The following PTK2 variants were observed in gnomAD, a reference collection of about 807,000 sequenced individuals.
PTK2 encodes protein tyrosine kinase 2.
A neutral mutation model predicts 150.1 loss-of-function variants in PTK2; 45 were observed. The observed-to-expected ratio is 0.30, with a 90% CI of 0.24 to 0.38. The LOEUF is 0.38. Among genes scored for constraint, PTK2 ranks in the 10% least tolerant of loss-of-function variants. The pLI, the probability that PTK2 is intolerant of heterozygous loss-of-function variation, is 1.00. For missense variants in PTK2, 919 were observed against 1,307.3 expected (o/e 0.70, Z 4.58); for synonymous variants, 432 against 449.2 (o/e 0.96, Z 0.48).
chr8:140,661,991 CCTCTT>C lies in PTK2; in HGVS notation c.2947-2318_2947-2314del, dbSNP rs370475091. Among the ~76,000 whole-genome samples, 658 of 152,154 alleles carry C rather than the reference CCTCTT, an allele frequency of 4.3e-3. 11 individuals are homozygous for C. Among genetic ancestry groups the C allele is most frequent in the African/African-American group, 0.014 (594 of 41,536 alleles). ...GCAGATGCAGGATCAAAGACAGGCT[CCTCTT>C]CTTTTCAAAAATGATTTAAGGCCAG... On this transcript the variant is annotated intron_variant, in intron 31 of 31. Transcript: ENST00000522684.
intron 1 of PTK2, among the ~76,000 whole-genome samples, chr8:140,966,357 C>T (rs377641510): frequency 6.6e-6 from 1 of 152,146 alleles, no homozygotes; most frequent in Non-Finnish European, 1.5e-5. Flanking sequence ...ATGTTTTATT[C>T]TATGTAGTTA....
At chr8:140,793,154 G>C (rs1238149911) in intron 13 of PTK2, among the ~76,000 whole-genome samples, 200 bp downstream of exon 13, 2 of 152,014 alleles carry the variant, frequency 1.3e-5, no homozygotes, top group Non-Finnish European at 2.9e-5. Flanking sequence ...AGAACTTAAA[G>C]GAAAAATTAA....
chr8:140,910,265 G>A (rs2100162592), intron 2 of PTK2, among the ~76,000 whole-genome samples: 2 of 152,142 alleles, frequency 1.3e-5, no homozygotes, highest in South Asian at 4.2e-4. Context: ...CAACACTCTA[G>A]CATCACCCAC....
At chr8:140,681,428 G>A (rs1259433277) in intron 27 of PTK2, among the ~76,000 whole-genome samples, 2 of 151,268 alleles carry the variant, frequency 1.3e-5, no homozygotes, top group African/African-American at 4.9e-5. Flanking sequence ...AAAAACAAGA[G>A]CCAACCAACC....
At chr8:140,752,004 A>G (rs988828068) in intron 17 of PTK2, 1 of 682,738 alleles carries the variant, frequency 1.5e-6, no homozygotes, top group Non-Finnish European at 2.7e-6. Flanking sequence ...ACCAAAGTAT[A>G]AAGTAAATGC....
chr8:140,731,920 C>A (rs939837932), intron 22 of PTK2, among the ~76,000 whole-genome samples: 1 of 152,000 alleles, frequency 6.6e-6, no homozygotes, highest in Non-Finnish European at 1.5e-5. Context: ...AAAATACACA[C>A]GCATACACTC....
At chr8:140,785,788 T>C (rs1348281966) in intron 14 of PTK2, among the ~76,000 whole-genome samples, 1 of 152,228 alleles carries the variant, frequency 6.6e-6, no homozygotes, top group Admixed American at 6.5e-5. Context: ...TGTTTACCTT[T>C]CTGAATTTAA....
intron 14 of PTK2, 148 bp from the exon 17 acceptor site, chr8:140,764,438 C>T (rs2100071169): frequency 1.6e-6 from 1 of 627,066 alleles, no homozygotes; most frequent in East Asian, 2.7e-5. Flanking sequence ...TTTGCTCACA[C>T]ATGAGTCATT....
intron 31 of PTK2, among the ~76,000 whole-genome samples, chr8:140,663,981 TA>T (rs544209116): frequency 2.0e-5 from 3 of 152,094 alleles, no homozygotes; most frequent in Non-Finnish European, 4.4e-5. Context: ...AGACATTCAT[TA>T]ATTTAAAATG....
intron 14 of PTK2, among the ~76,000 whole-genome samples, chr8:140,780,688 T>C (rs1455625398): frequency 1.3e-5 from 2 of 152,170 alleles, no homozygotes; most frequent in Non-Finnish European, 2.9e-5. Flanking sequence ...AAACCACATA[T>C]GAAAATGGGA....
chr8:140,807,324 C>A (rs182487929), intron 10 of PTK2, among the ~76,000 whole-genome samples: 2 of 152,148 alleles, frequency 1.3e-5, no homozygotes, highest in East Asian at 1.9e-4. Context: ...AGTTTCACTG[C>A]GAAAAAGAGA....
At chr8:140,686,262 G>T (rs564470631) in intron 27 of PTK2, among the ~76,000 whole-genome samples, 1 of 152,254 alleles carries the variant, frequency 6.6e-6, no homozygotes, top group East Asian at 1.9e-4. Flanking sequence ...GGAGGAGGGT[G>T]AGAGGAGGGT....
chr8:140,899,421 AT>A (rs1345854025), intron 2 of PTK2, among the ~76,000 whole-genome samples: 4 of 152,244 alleles, frequency 2.6e-5, no homozygotes. Context: ...GCTGGAATAA[AT>A]TGATAAATTC....
intron 2 of PTK2, among the ~76,000 whole-genome samples, chr8:140,920,305 C>T (rs2100166940): frequency 6.6e-6 from 1 of 151,950 alleles, no homozygotes; most frequent in Admixed American, 6.6e-5. Flanking sequence ...TTTATGTGAA[C>T]AAAAACCCTA....
At chr8:140,827,994 C>A (rs1157685529) in intron 8 of PTK2, among the ~76,000 whole-genome samples, 1 of 151,996 alleles carries the variant, frequency 6.6e-6, no homozygotes, top group Non-Finnish European at 1.5e-5. Context: ...CAGTGAAACC[C>A]CATCTCTACT....
chr8:140,879,739 A>G, intron 3 of PTK2, 102 bp from the exon 4 acceptor site: 1 of 1,046,882 alleles, frequency 9.6e-7, no homozygotes, highest in Non-Finnish European at 1.3e-6. Flanking sequence ...AAAAAACTAT[A>G]TGCTAAAAAG....
At chr8:140,927,425 G>A (rs961411239) in intron 1 of PTK2, 3 of 152,084 alleles carry the variant, frequency 2.0e-5, no homozygotes, top group Admixed American at 6.5e-5. Context: ...CTGAAACAGA[G>A]AAAACCACTG....
chr8:140,842,884 ACAATAGATCATTCAACTTTC>A (rs2100123140), intron 7 of PTK2, among the ~76,000 whole-genome samples: 1 of 152,158 alleles, frequency 6.6e-6, no homozygotes, highest in Non-Finnish European at 1.5e-5. Context: ...CCATATCAAA[ACAATAGATCATTCAACTTTC>A]CATGCAATCC....
intron 20 of PTK2, among the ~76,000 whole-genome samples, chr8:140,742,699 G>A (rs990314769): frequency 6.6e-6 from 1 of 151,996 alleles, no homozygotes; most frequent in African/African-American, 2.4e-5. Flanking sequence ...ATTTCTAAGT[G>A]CATTCTTTGT....
Sources: gnomAD v4.1 joint callset for allele counts (sites outside exome capture counted in the v4.1 genomes callset) on GRCh38, gnomAD v4.1.1 for gene constraint, MANE v1.5 for transcripts, NCBI Gene and HGNC (gene_info 2026-07-23, HGNC 2026-07-21) for gene names.